CSMD1: variants seen among roughly 807,000 people sequenced by gnomAD.
CSMD1 encodes the protein CUB and Sushi multiple domains 1.
Under a neutral mutation model 417.5 loss-of-function variants are expected in CSMD1, and 213 were observed. That is an observed-to-expected ratio of 0.51 (90% CI 0.46 to 0.57). CSMD1 has a LOEUF of 0.57. Among genes scored for constraint, CSMD1 ranks in the 20% least tolerant of loss-of-function variants. CSMD1 has a pLI of 0.00. For synonymous variants in CSMD1, 2,862 were observed against 1,736.8 expected (o/e 1.65, Z -16.11); for missense variants, 6,923 against 4,529.7 (o/e 1.53, Z -15.17).
intron 4 of CSMD1, among the ~76,000 whole-genome samples, chr8:4,006,616 G>C (rs183205299): frequency 2.0e-5 from 3 of 152,218 alleles, no homozygotes; most frequent in Non-Finnish European, 4.4e-5. Context: ...CCTTCCCCTT[G>C]TCAAATCCAT....
chr8:3,436,044 C>A (rs1814537176), intron 12 of CSMD1, among the ~76,000 whole-genome samples: 1 of 152,166 alleles, frequency 6.6e-6, no homozygotes, highest in African/African-American at 2.4e-5. Context: ...CCACTCCCTT[C>A]ACCAGCACTC....
At chr8:4,344,329 A>G (rs1158729338) in intron 3 of CSMD1, among the ~76,000 whole-genome samples, 1 of 152,064 alleles carries the variant, frequency 6.6e-6, no homozygotes, top group Non-Finnish European at 1.5e-5. Context: ...CCTTCAAATC[A>G]GCTTTACATC....
intron 10 of CSMD1, among the ~76,000 whole-genome samples, chr8:3,502,495 G>C (rs1216503643): frequency 6.6e-6 from 1 of 152,112 alleles, no homozygotes; most frequent in Admixed American, 6.5e-5. Flanking sequence ...TGGATAAACT[G>C]TGGTATATCC....
At chr8:4,103,404 T>C (rs936050828) in intron 3 of CSMD1, among the ~76,000 whole-genome samples, 1 of 151,410 alleles carries the variant, frequency 6.6e-6, no homozygotes, top group Non-Finnish European at 1.5e-5. Flanking sequence ...AAATTCTCTA[T>C]CTTTTCTAAA....
At chr8:4,729,106 C>G (rs1585009102) in intron 1 of CSMD1, among the ~76,000 whole-genome samples, 1 of 152,078 alleles carries the variant, frequency 6.6e-6, no homozygotes, top group South Asian at 2.1e-4. Flanking sequence ...ATTTCCATAT[C>G]TGAAACCAGG....
chr8:4,443,917 A>G (rs1189432066), intron 2 of CSMD1, among the ~76,000 whole-genome samples: 7 of 152,200 alleles, frequency 4.6e-5, no homozygotes, highest in Admixed American at 4.6e-4. Context: ...AGTCCTCATA[A>G]GAAATGCGTA....
At position 3,407,900 on chromosome 8, in the gene CSMD1, G is replaced by A. The variant is rs750556000; in HGVS notation, c.2070C>T (p.Thr690=). 5.0e-6 allele frequency: 8 copies of A among 1,603,018 alleles called. No homozygotes were observed. The Admixed American group carries it at 5.1e-5, about 10-fold the overall frequency. ...TGTTGACTGTGTGGGCGTACTTACT[G>A]GTGTAAGTGATGTTGAACCCTCTGC... ...TTGRGFNITY[T]TFGQNECHDP... is the part of the protein sequence containing the mutation. The change falls in exon 14 of 70, where the codon ACC becomes ACT. Residue 690 remains threonine, a splice_region_variant and synonymous_variant. Coordinates refer to ENST00000635120, the MANE Select transcript of CSMD1 (RefSeq NM_033225.6).
intron 23 of CSMD1, among the ~76,000 whole-genome samples, chr8:3,342,954 T>G (rs1265718058): frequency 6.6e-6 from 1 of 152,096 alleles, no homozygotes; most frequent in African/African-American, 2.4e-5. Context: ...ATCAAACATC[T>G]CTTCTAAAGC....
chr8:4,450,896 AAAAATT>A (rs1799103303), intron 2 of CSMD1, among the ~76,000 whole-genome samples: 1 of 152,204 alleles, frequency 6.6e-6, no homozygotes, highest in Non-Finnish European at 1.5e-5. Context: ...GCGCTAATAT[AAAAATT>A]AAAATTAAAT....
intron 6 of CSMD1, among the ~76,000 whole-genome samples, chr8:3,753,487 A>C (rs1217970269): frequency 6.6e-6 from 1 of 152,200 alleles, no homozygotes; most frequent in Non-Finnish European, 1.5e-5. Flanking sequence ...TTGTGTGTAA[A>C]TTACTGAATC....
rs574808255 is a variant in CSMD1, at chr8:4,016,541, GA to G, written c.610+15363del. On this transcript the variant is annotated intron_variant, in intron 4 of 69. Coordinates refer to ENST00000635120, the MANE Select transcript of CSMD1 (RefSeq NM_033225.6). Reference sequence around the variant, plus strand: ...GTGAAGGATCTGGGGCTATGAGAAGGAAAGAGGAGAAAAGATGAAGATTCAC... The same window carrying G: ...GTGAAGGATCTGGGGCTATGAGAAGGAAGAGGAGAAAAGATGAAGATTCAC... Among the ~76,000 whole-genome samples the G allele has an allele frequency of 1.9e-4, 29 of 152,240 alleles. No homozygotes were observed. The South Asian group carries it at 4.3e-3, about 23-fold the overall frequency.
Position 4,529,785 on chromosome 8 carries a change from C to G in CSMD1, c.302+107557G>C, listed in dbSNP as rs902157299. The stretch of plus-strand genomic sequence containing the variant: ...ACAGCAAAAGTTTCAGAACTGCTGC[C>G]GTAGAAAATCTTTAGGTACAAATTT... On this transcript the variant is annotated intron_variant, in intron 2 of 69. Transcript: ENST00000635120. 4.6e-5 allele frequency among the ~76,000 whole-genome samples: 7 copies of G among 151,626 alleles called. No homozygotes were observed. In the South Asian group the frequency reaches 1.0e-3, roughly 23 times the overall value.
intron 6 of CSMD1, among the ~76,000 whole-genome samples, chr8:3,715,095 T>C (rs1207637895): frequency 1.3e-5 from 2 of 152,216 alleles, no homozygotes; most frequent in African/African-American, 4.8e-5. Context: ...CATTAGATTT[T>C]TTTGTGTTTT....
chr8:4,978,760 A>G (rs995726214), intron 1 of CSMD1, among the ~76,000 whole-genome samples: 3 of 152,154 alleles, frequency 2.0e-5, no homozygotes. Context: ...CAACACAGTG[A>G]AACCCCGTCT....
intron 6 of CSMD1, among the ~76,000 whole-genome samples, chr8:3,741,880 A>G (rs1022721101): frequency 1.3e-5 from 2 of 152,082 alleles, no homozygotes; most frequent in East Asian, 1.9e-4. Context: ...AAAGGTTCCA[A>G]TTCCTTACCA....
intron 8 of CSMD1, among the ~76,000 whole-genome samples, chr8:3,616,234 C>T (rs985536002): frequency 6.6e-6 from 1 of 152,128 alleles, no homozygotes; most frequent in Non-Finnish European, 1.5e-5. Flanking sequence ...CGGTGAGAGG[C>T]AATTGAATCA....
intron 3 of CSMD1, among the ~76,000 whole-genome samples, chr8:4,141,001 A>T (rs929827743): frequency 6.6e-6 from 1 of 151,242 alleles, no homozygotes; most frequent in East Asian, 1.9e-4. Context: ...AGGCAGACAG[A>T]AAGACAGGTA....
intron 2 of CSMD1, among the ~76,000 whole-genome samples, chr8:4,599,116 G>T (rs1198792681): frequency 1.3e-5 from 2 of 152,118 alleles, no homozygotes; most frequent in Non-Finnish European, 2.9e-5. Flanking sequence ...GTGTTAGAAC[G>T]TGCCTTCCAG....
At chr8:4,471,974 G>C (rs1004108590) in intron 2 of CSMD1, among the ~76,000 whole-genome samples, 9 of 152,058 alleles carry the variant, frequency 5.9e-5, no homozygotes, top group African/African-American at 1.9e-4. Context: ...CCTTCTAAGC[G>C]ATACGTATTA....
Sources: gnomAD v4.1 joint callset for allele counts (sites outside exome capture counted in the v4.1 genomes callset) on GRCh38, gnomAD v4.1.1 for gene constraint, MANE v1.5 for transcripts, NCBI Gene and HGNC (gene_info 2026-07-23, HGNC 2026-07-21) for gene names.